Variants in RANBP1 observed in about 807,000 individuals in gnomAD.
RANBP1 encodes the protein ran-specific GTPase-activating protein.
RANBP1 carries 16 observed loss-of-function variants against 31.4 expected under a neutral mutation model. The ratio of observed to expected loss-of-function variants is 0.51; its 90% CI spans 0.34 to 0.77. The LOEUF (loss-of-function observed/expected upper bound fraction) is 0.77, where lower values mean the gene tolerates loss of function less well. RANBP1 is among the 30% of genes least tolerant of loss of function. The pLI is 0.01. For missense variants in RANBP1, 265 were observed against 362.0 expected, an observed-to-expected ratio of 0.73 and a Z score of 2.17; for synonymous variants, 129 against 140.5, an observed-to-expected ratio of 0.92 and a Z score of 0.58.
At chr22:20,117,626 A>AGCC (rs750187557) in intron 1 of RANBP1, 66 of 1,117,770 alleles carry the variant, frequency 5.9e-5, no homozygotes, top group Middle Eastern at 4.0e-4. Flanking sequence ...GACCCAGCCG[A>AGCC]GCCGCCGCCG....
chr22:20,124,206 G>T (rs100798), intron 3 of RANBP1: 9,230 of 152,662 alleles, frequency 0.06, 394 homozygotes, highest in Non-Finnish European at 0.086. Context: ...GGGTCAGGTT[G>T]TGGGTTGTTG....
rs757149512 is a variant in RANBP1, at chr22:20,116,144, C to T, written c.-41C>T. The T allele has an allele frequency of 6.2e-7, 1 of 1,612,906 alleles. No individual in the cohort carries two copies. Among genetic ancestry groups the T allele is most frequent in the African/African-American group, 1.3e-5 (1 of 74,960 alleles). On this transcript the variant is annotated 5_prime_UTR_variant, in exon 1 of 6. Transcript: ENST00000430524. Reference sequence around the variant, plus strand: ...GTCACCACGTCGGCCACTCGTGTTACTGGTGGCTCACTCTCACCCTCCTGT... The same window carrying T: ...GTCACCACGTCGGCCACTCGTGTTATTGGTGGCTCACTCTCACCCTCCTGT...
chr22:20,126,500 G>A lies in RANBP1; in HGVS notation c.736+132G>A, dbSNP rs888224599. The A allele has an allele frequency of 3.1e-6, 5 of 1,595,048 alleles. No individual in the cohort carries two copies. The African/African-American group carries it at 5.4e-5, about 17-fold the overall frequency. On this transcript the variant is annotated intron_variant, in intron 5 of 5. Coordinates refer to ENST00000430524, the MANE Select transcript of RANBP1 (RefSeq NM_001278639.2). ...GCTGTGGCCGCCTCACGTATCCAGA[G>A]TGATGCAGCTCCCTGGGGACACAGG...
intron 1 of RANBP1, chr22:20,117,550 C>A: frequency 2.1e-6 from 3 of 1,400,336 alleles, no homozygotes; most frequent in South Asian, 1.4e-5. Context: ...CGGGAGGCGC[C>A]GGCGCCAGAC....
intron 1 of RANBP1, chr22:20,118,011 C>G (rs2050082315): frequency 1.0e-6 from 1 of 994,742 alleles, no homozygotes; most frequent in African/African-American, 1.7e-5. Flanking sequence ...TTGGGGCTCC[C>G]CACTAGTACG....
chr22:20,123,764 C>G (rs1047739207), intron 3 of RANBP1, among the ~76,000 whole-genome samples: 1 of 152,054 alleles, frequency 6.6e-6, no homozygotes, highest in East Asian at 1.9e-4. Flanking sequence ...GTAGGTTGTC[C>G]TGAGTATGGC....
intron 3 of RANBP1, 139 bp from the exon 4 acceptor site, chr22:20,125,168 TG>T: frequency 1.1e-6 from 1 of 909,372 alleles, no homozygotes; most frequent in Non-Finnish European, 1.7e-6. Flanking sequence ...TGTCTAAGCC[TG>T]GTTCTCCAAC....
Position 20,116,241 on chromosome 22 carries a change from G to A in RANBP1, c.57G>A (p.Arg19=), listed in dbSNP as rs992085833. 4 of 1,612,870 alleles carry A rather than the reference G, an allele frequency of 2.5e-6. No individual in the cohort carries two copies. In the African/African-American group the frequency reaches 5.3e-5, roughly 22 times the overall value. ...CACTGAGTGGGCGGCCTTTCCAGAGGGCACCATGCAAAACGCGCAGGGCCT... is the reference window on the plus strand; with the variant it reads ...CACTGAGTGGGCGGCCTTTCCAGAGAGCACCATGCAAAACGCGCAGGGCCT... ...RRTLSGRPFQ[R]APCKTRRALS... is the part of the protein sequence containing the mutation. Residue 19 remains arginine, a synonymous_variant, in exon 1 of 6, where the codon AGG becomes AGA. Transcript: ENST00000430524.
intron 1 of RANBP1, chr22:20,116,933 A>C: frequency 6.3e-7 from 1 of 1,582,128 alleles, no homozygotes; most frequent in Admixed American, 1.8e-5. Context: ...CGCCTAGACC[A>C]GGGACGCCAT....
In RANBP1 at chr22:20,116,213, G is replaced by A. The variant is rs189442480; in HGVS notation, c.29G>A (p.Arg10His). ...GGGTCGGCCTTGGGCCGGGCCAGGCGCACACTGAGTGGGCGGCCTTTCCAG... is the reference window on the plus strand; with the variant it reads ...GGGTCGGCCTTGGGCCGGGCCAGGCACACACTGAGTGGGCGGCCTTTCCAG... MGSALGRAR[R>H]TLSGRPFQRA... Residue 10 changes from arginine (R) to histidine (H), a missense_variant, in exon 1 of 6, where the codon CGC (arginine) becomes CAC (histidine). Transcript: ENST00000430524. 88 of 1,613,008 alleles carry A rather than the reference G, an allele frequency of 5.5e-5. No individual in the cohort carries two copies. In the Admixed American group the frequency reaches 1.3e-3, roughly 23 times the overall value.
Position 20,127,160 on chromosome 22 carries a change from C to A in RANBP1, c.*108C>A. The stretch of plus-strand genomic sequence containing the variant: ...TTTATTCTTTCATTTTTACAAGGGA[C>A]GTTATATAAAGAACTGAACTCAACA... On this transcript the variant is annotated 3_prime_UTR_variant, in exon 6 of 6. Coordinates refer to ENST00000430524, the MANE Select transcript of RANBP1 (RefSeq NM_001278639.2). 1 of 857,110 alleles carries A rather than the reference C, an allele frequency of 1.2e-6. No individual in the cohort carries two copies. Among genetic ancestry groups the A allele is most frequent in the South Asian group, 2.0e-5 (1 of 49,068 alleles). The allele number at this position is 857,110 out of a possible 1,614,324, so 53.1% of individuals were successfully genotyped here.
At chr22:20,122,557 A>G (rs1405460982) in intron 3 of RANBP1, 136 bp downstream of exon 3, 1 of 1,557,120 alleles carries the variant, frequency 6.4e-7, no homozygotes, top group African/African-American at 1.4e-5. Flanking sequence ...TGTTGAATTT[A>G]AAACCAGAAA....
In RANBP1 at chr22:20,116,372, C is replaced by T. The variant is rs767267427; in HGVS notation, c.188C>T (p.Thr63Met). ...CRPKRPRKRR[T>M]SLKLAWRGTF... ...CCAAAGCGGCCCAGGAAGCGCCGGA[C>T]GTCGCTGAAGCTGGCGTGGCGAGGC... Residue 63 changes from threonine (T) to methionine (M), a missense_variant, in exon 1 of 6, where the codon ACG becomes ATG. By Grantham distance (81) the Thr-to-Met change is moderately conservative. Around this residue, in one of 3 missense-constraint regions of RANBP1, gnomAD observed 126 missense variants for 123.6 expected, o/e 1.02. Transcript: ENST00000430524. 14 of 1,612,376 alleles carry T rather than the reference C, an allele frequency of 8.7e-6. 1 individual carries two copies. In the South Asian group the frequency reaches 1.1e-4, roughly 13 times the overall value.
chr22:20,118,911 G>T, intron 1 of RANBP1, 102 bp from the exon 2 acceptor site: 2 of 1,231,016 alleles, frequency 1.6e-6, no homozygotes, highest in South Asian at 2.9e-5. Flanking sequence ...TGTATCTGAA[G>T]TCCCTTCATT....
At chr22:20,122,663 A>G (rs1199264905) in intron 3 of RANBP1, 1 of 1,422,296 alleles carries the variant, frequency 7.0e-7, no homozygotes, top group South Asian at 1.2e-5. Flanking sequence ...CCCTGATGGG[A>G]GGACGCAGCG....
At chr22:20,123,304 A>G (rs185639440) in intron 3 of RANBP1, among the ~76,000 whole-genome samples, 5 of 420 alleles carry the variant, frequency 0.012, 2 homozygotes, top group Non-Finnish European at 0.021. Context: ...GTGGTGTCTA[A>G]GGGGTGTGGT....
intron 4 of RANBP1, 35 bp from the exon 5 acceptor site, chr22:20,126,268 C>A: frequency 6.2e-7 from 1 of 1,600,310 alleles, no homozygotes; most frequent in South Asian, 1.1e-5. Context: ...CCACTGCTCA[C>A]AGCTCTTAGG....
intron 3 of RANBP1, 155 bp from the exon 4 acceptor site, chr22:20,125,153 T>A (rs2147991583): frequency 1.3e-6 from 1 of 758,072 alleles, no homozygotes; most frequent in East Asian, 2.7e-5. Flanking sequence ...GGCGCCGTGG[T>A]ACTTTGTCTA....
At chr22:20,120,466 C>T (rs550861660) in intron 2 of RANBP1, among the ~76,000 whole-genome samples, 3 of 152,290 alleles carry the variant, frequency 2.0e-5, no homozygotes, top group Admixed American at 1.3e-4. Flanking sequence ...AGGGTGGGCC[C>T]GGGTCTTTGC....
Sources: gnomAD v4.1 joint callset for allele counts (sites outside exome capture counted in the v4.1 genomes callset) on GRCh38, gnomAD v4.1.1 for gene constraint, gnomAD v4.1.1 regional missense constraint, MANE v1.5 for transcripts, NCBI Gene and HGNC (gene_info 2026-07-23, HGNC 2026-07-21) for gene names.